ASPRV1: variants seen among roughly 807,000 people sequenced by gnomAD.
ASPRV1 encodes the protein aspartic peptidase retroviral like 1.
Under a neutral mutation model 11.0 loss-of-function variants are expected in ASPRV1, and 7 were observed. That is an observed-to-expected ratio of 0.64 (90% CI 0.36 to 1.20). ASPRV1 has a LOEUF of 1.20. Ranked by LOEUF, ASPRV1 falls within the 50% of genes most tolerant of loss-of-function variation. The pLI is 0.02. For missense variants in ASPRV1, 299 were observed against 320.0 expected (o/e 0.93, Z 0.50); for synonymous variants, 136 against 138.4 (o/e 0.98, Z 0.12).
the ASPRV1 span, among the ~76,000 whole-genome samples, chr2:69,944,586 GC>G: frequency 6.6e-6 from 1 of 152,208 alleles, no homozygotes; most frequent in African/African-American, 2.4e-5. Context: ...ACACTCCCTT[GC>G]CCCAATTTTT....
the ASPRV1 span, chr2:69,942,997 T>G: frequency 6.6e-6 from 1 of 152,264 alleles, no homozygotes; most frequent in African/African-American, 2.4e-5. Context: ...GTGGTTGTCC[T>G]TGCAGAACTG....
the ASPRV1 span, chr2:70,056,267 G>C: frequency 3.3e-5 from 5 of 152,152 alleles, no homozygotes; most frequent in Admixed American, 2.6e-4. Flanking sequence ...GAGATCTGCT[G>C]CACAAAATGT....
chr2:70,050,515 C>G, the ASPRV1 span: 1 of 151,934 alleles, frequency 6.6e-6, no homozygotes, highest in Non-Finnish European at 1.5e-5. Context: ...GATTTTCTGA[C>G]TACCTAAAAA....
At chr2:70,084,270 G>A in the ASPRV1 span, among the ~76,000 whole-genome samples, 1 of 152,204 alleles carries the variant, frequency 6.6e-6, no homozygotes, top group Non-Finnish European at 1.5e-5. Context: ...AGAAGGCTTT[G>A]TTTGAACATT....
chr2:70,073,483 T>G, the ASPRV1 span, among the ~76,000 whole-genome samples: 1 of 152,204 alleles, frequency 6.6e-6, no homozygotes, highest in South Asian at 2.1e-4. Flanking sequence ...ACCTATTTTG[T>G]AAGATTACTG....
the ASPRV1 span, among the ~76,000 whole-genome samples, chr2:69,974,900 CG>C: frequency 6.6e-6 from 1 of 152,176 alleles, no homozygotes; most frequent in Non-Finnish European, 1.5e-5. Context: ...TCCTGGAGGT[CG>C]GGGTATGGGC....
chr2:69,999,714 C>T, the ASPRV1 span, among the ~76,000 whole-genome samples: 79 of 151,140 alleles, frequency 5.2e-4, no homozygotes, highest in Non-Finnish European at 8.7e-4. Context: ...ATCCAAATAC[C>T]AGTGACTTAT....
chr2:70,039,438 C>T, the ASPRV1 span, among the ~76,000 whole-genome samples: 13 of 152,260 alleles, frequency 8.5e-5, no homozygotes, highest in African/African-American at 3.1e-4. Context: ...GAACAACTTG[C>T]TGTAAGTTGA....
At chr2:69,938,037 A>G in the ASPRV1 span, 10 of 1,531,802 alleles carry the variant, frequency 6.5e-6, no homozygotes, top group South Asian at 4.8e-5. Flanking sequence ...ATGAGCCACC[A>G]CGCCTGAGCT....
the ASPRV1 span, among the ~76,000 whole-genome samples, chr2:70,078,311 A>G: frequency 6.6e-6 from 1 of 152,116 alleles, no homozygotes; most frequent in Admixed American, 6.5e-5. Context: ...TATGGTAGAG[A>G]GTCCCTAGAA....
At chr2:69,972,615 C>T in the ASPRV1 span, among the ~76,000 whole-genome samples, 1 of 152,166 alleles carries the variant, frequency 6.6e-6, no homozygotes, top group South Asian at 2.1e-4. Context: ...GCCTCAGCCT[C>T]CTAAAGTGCT....
the ASPRV1 span, chr2:70,086,531 T>C: frequency 1.3e-5 from 2 of 152,184 alleles, no homozygotes; most frequent in East Asian, 1.9e-4. Context: ...CCCTTGAGCC[T>C]GGCGCAGTGG....
the ASPRV1 span, among the ~76,000 whole-genome samples, chr2:70,072,697 G>C: frequency 6.6e-6 from 1 of 151,924 alleles, no homozygotes; most frequent in South Asian, 2.1e-4. Context: ...ACTCTGTCCT[G>C]GGCGACAGAG....
the ASPRV1 span, among the ~76,000 whole-genome samples, chr2:70,033,452 G>A: frequency 4.6e-5 from 7 of 152,018 alleles, no homozygotes; most frequent in Non-Finnish European, 4.4e-5. Context: ...GTATTAGGGC[G>A]GGAGAGAAAT....
upstream of ASPRV1, among the ~76,000 whole-genome samples, chr2:69,963,746 A>T (rs903702856): frequency 6.6e-6 from 1 of 152,184 alleles, no homozygotes; most frequent in Non-Finnish European, 1.5e-5. Context: ...CTCCATGAGG[A>T]GTATAACAAC....
chr2:69,954,266 G>A, the ASPRV1 span, among the ~76,000 whole-genome samples: 1 of 152,158 alleles, frequency 6.6e-6, no homozygotes, highest in Non-Finnish European at 1.5e-5. Flanking sequence ...ATGGCATCTT[G>A]CTGGCTGTGT....
chr2:70,040,594 G>A, the ASPRV1 span, among the ~76,000 whole-genome samples: 1 of 152,106 alleles, frequency 6.6e-6, no homozygotes, highest in South Asian at 2.1e-4. Flanking sequence ...CCAGCACTTT[G>A]GGAGGCCGAG....
the ASPRV1 span, among the ~76,000 whole-genome samples, chr2:69,951,048 A>G: frequency 2.6e-5 from 4 of 152,220 alleles, no homozygotes; most frequent in South Asian, 8.3e-4. Context: ...ATGAGTGTAT[A>G]TAGAGAAAGG....
At chr2:70,005,894 C>T in the ASPRV1 span, among the ~76,000 whole-genome samples, 1 of 152,232 alleles carries the variant, frequency 6.6e-6, no homozygotes, top group Non-Finnish European at 1.5e-5. Context: ...CCCTCAGCCC[C>T]TGTTTACATA....
Sources: allele counts gnomAD v4.1 joint callset (sites outside exome capture counted in the v4.1 genomes callset), GRCh38; gene constraint gnomAD v4.1.1; transcripts MANE v1.5; gene names NCBI Gene and HGNC (gene_info 2026-07-23, HGNC 2026-07-21).